The following NOX4 variants were observed in gnomAD, a reference collection of about 807,000 sequenced individuals.
NOX4 encodes the protein kidney oxidase-1.
Under a neutral mutation model 87.6 loss-of-function variants are expected in NOX4, and 69 were observed. The ratio of observed to expected loss-of-function variants is 0.79; its 90% CI spans 0.65 to 0.96. NOX4 has a LOEUF of 0.96. NOX4 is among the 40% of genes least tolerant of loss of function. NOX4 has a pLI of 0.00. For synonymous variants in NOX4, 275 were observed against 238.2 expected (o/e 1.15, Z -1.42); for missense variants, 680 against 681.5 (o/e 1.00, Z 0.02).
intron 2 of NOX4, among the ~76,000 whole-genome samples, chr11:89,454,537 C>T (rs1945104250): frequency 6.6e-6 from 1 of 152,072 alleles, no homozygotes; most frequent in African/African-American, 2.4e-5. Context: ...GCCAACTGTA[C>T]TGTTTACAAG....
At chr11:89,365,768 A>AAAC (rs1555000727) in intron 12 of NOX4, among the ~76,000 whole-genome samples, 2 of 151,238 alleles carry the variant, frequency 1.3e-5, no homozygotes, top group African/African-American at 4.8e-5. Flanking sequence ...AAAAAAAAAA[A>AAAC]AAAAAAAACA....
At chr11:89,389,718 A>G (rs1382682806) in intron 11 of NOX4, among the ~76,000 whole-genome samples, 1 of 152,160 alleles carries the variant, frequency 6.6e-6, no homozygotes, top group East Asian at 1.9e-4. Context: ...CAGTGTTAGC[A>G]ATATGAAAGC....
chr11:89,482,265 GA>G (rs893439723), intron 2 of NOX4, among the ~76,000 whole-genome samples: 11 of 150,366 alleles, frequency 7.3e-5, no homozygotes, highest in South Asian at 2.1e-4. Context: ...CAATTAAGGA[GA>G]AAAAAAAATA....
At chr11:89,585,235 C>T in the NOX4 span, among the ~76,000 whole-genome samples, 1 of 152,082 alleles carries the variant, frequency 6.6e-6, no homozygotes, top group Admixed American at 6.6e-5. Context: ...CTAGGAGCCA[C>T]TCTCATATTG....
At chr11:89,381,913 C>T (rs1180738363) in intron 11 of NOX4, among the ~76,000 whole-genome samples, 1 of 152,176 alleles carries the variant, frequency 6.6e-6, no homozygotes, top group Non-Finnish European at 1.5e-5. Flanking sequence ...TCTCTCTCTT[C>T]TCTTAATTTC....
chr11:89,373,277 C>CAAAAAAAAAAAAAAAAA (rs144113376), intron 12 of NOX4, among the ~76,000 whole-genome samples, 155 bp downstream of exon 12: 20 of 59,086 alleles, frequency 3.4e-4, no homozygotes, highest in Non-Finnish European at 5.6e-4. Context: ...ACTGTACAAG[C>CAAAAAAAAAAAAAAAAA]AAAAAAAAAA....
intron 8 of NOX4, among the ~76,000 whole-genome samples, chr11:89,409,331 T>C (rs1942355042): frequency 1.3e-5 from 2 of 152,098 alleles, no homozygotes; most frequent in Admixed American, 1.3e-4. Context: ...AAAACTGAGA[T>C]AAAAATTATG....
chr11:89,506,235 A>AAGAAAGAAAGAG, the NOX4 span, among the ~76,000 whole-genome samples: 1 of 149,186 alleles, frequency 6.7e-6, no homozygotes, highest in African/African-American at 2.5e-5. Context: ...GAAAGAAAGA[A>AAGAAAGAAAGAG]AGAGAGAGAG....
intron 17 of NOX4, among the ~76,000 whole-genome samples, chr11:89,330,840 C>T (rs1013524258): frequency 8.6e-5 from 13 of 151,862 alleles, no homozygotes; most frequent in African/African-American, 2.7e-4. Flanking sequence ...AAATAAAAAG[C>T]TTCAACATAA....
chr11:89,493,719 G>GTT (rs141832218), upstream of NOX4, among the ~76,000 whole-genome samples: 16 of 132,172 alleles, frequency 1.2e-4, no homozygotes, highest in South Asian at 4.8e-4. Flanking sequence ...AAGCCAGATT[G>GTT]TTTTATTATT....
chr11:89,529,069 A>G, the NOX4 span, among the ~76,000 whole-genome samples: 2 of 152,164 alleles, frequency 1.3e-5, no homozygotes, highest in South Asian at 4.1e-4. Context: ...AAGTGTAGAA[A>G]GAGAAAGAAT....
At chr11:89,415,939 C>T (rs1004907929) in intron 8 of NOX4, among the ~76,000 whole-genome samples, 2 of 152,068 alleles carry the variant, frequency 1.3e-5, no homozygotes, top group Non-Finnish European at 2.9e-5. Context: ...CAAAGCTAGG[C>T]AAACCTACAG....
chr11:89,575,281 A>G, the NOX4 span, among the ~76,000 whole-genome samples: 166 of 151,810 alleles, frequency 1.1e-3, 2 homozygotes, highest in African/African-American at 3.8e-3. Flanking sequence ...GTAAGTGTTT[A>G]ATTTTACACT....
chr11:89,560,953 T>A, the NOX4 span, among the ~76,000 whole-genome samples: 1 of 122,950 alleles, frequency 8.1e-6, no homozygotes, highest in Non-Finnish European at 1.7e-5. Flanking sequence ...AAAATTCCCA[T>A]CTCATCTCGT....
intron 12 of NOX4, among the ~76,000 whole-genome samples, chr11:89,357,534 G>T (rs1938163792): frequency 6.6e-6 from 1 of 152,094 alleles, no homozygotes. Flanking sequence ...TGAGTAATGT[G>T]TAATGCTCTA....
chr11:89,490,841 A>G lies in NOX4; in HGVS notation c.58-288T>C, dbSNP rs762761942. The G allele has an allele frequency of 1.6e-5, 11 of 699,544 alleles. No homozygotes were observed. In the South Asian group the frequency reaches 1.7e-4, roughly 11 times the overall value. The allele number at this position is 699,544 out of a possible 1,614,324, so 43.3% of individuals were successfully genotyped here. A position where few individuals can be genotyped will look rare whatever the true frequency, so the allele number is the denominator to read the frequency against. ...ACAAAATGAGATTAAGAAATTAATG[A>G]CATCACCATACCCCAAGCAAACAGA... On this transcript the variant is annotated intron_variant, in intron 1 of 17. Transcript: ENST00000263317.
At chr11:89,340,324 G>A (rs533719673) in intron 14 of NOX4, among the ~76,000 whole-genome samples, 153 bp from the exon 15 acceptor site, 2 of 152,254 alleles carry the variant, frequency 1.3e-5, no homozygotes, top group Admixed American at 1.3e-4. Flanking sequence ...ACATTCTAGC[G>A]TCTGATAGCA....
intron 13 of NOX4, among the ~76,000 whole-genome samples, chr11:89,351,933 A>T (rs1299362948): frequency 6.6e-6 from 1 of 152,198 alleles, no homozygotes; most frequent in African/African-American, 2.4e-5. Flanking sequence ...GGAACAAAAA[A>T]GAACAAAATA....
chr11:89,564,747 G>GTT, the NOX4 span, among the ~76,000 whole-genome samples: 35 of 107,700 alleles, frequency 3.2e-4, no homozygotes, highest in East Asian at 1.5e-3. Context: ...GTTGTTGTTT[G>GTT]TTTTTTGTTT....
Sources: gnomAD v4.1 joint callset for allele counts (sites outside exome capture counted in the v4.1 genomes callset) on GRCh38, gnomAD v4.1.1 for gene constraint, MANE v1.5 for transcripts, NCBI Gene and HGNC (gene_info 2026-07-23, HGNC 2026-07-21) for gene names.